ZBTB3: variants seen among roughly 807,000 people sequenced by gnomAD.
ZBTB3 encodes the protein zinc finger and BTB domain-containing protein 3.
A neutral mutation model predicts 30.6 loss-of-function variants in ZBTB3; 15 were observed. The ratio of observed to expected loss-of-function variants is 0.49; its 90% CI spans 0.33 to 0.75. The LOEUF is 0.75. ZBTB3 is among the 30% of genes least tolerant of loss of function. ZBTB3 has a pLI of 0.02. For synonymous variants in ZBTB3, 258 were observed against 261.7 expected, an observed-to-expected ratio of 0.99 and a Z score of 0.14; for missense variants, 599 against 652.1, an observed-to-expected ratio of 0.92 and a Z score of 0.89.
chr11:62,752,542 G>A lies in ZBTB3; in HGVS notation c.1123C>T (p.Leu375=), dbSNP rs2084023518. The A allele has an allele frequency of 3.7e-6, 6 of 1,614,220 alleles. No individual in the cohort carries two copies. The highest frequency in any genetic ancestry group is 3.3e-4 in the Middle Eastern group (2 of 6,062). ...TGATACTGCCCTGCACCTGGCAGCA[G>A]ATGGTAGGGTAGATGAGGGTCTGTT... The part of the protein sequence containing the change: ...LPTDPHLPYH[L]LPGAGQYHRG... The change falls in exon 2 of 2, where the codon CTG becomes TTG. Residue 375 remains leucine (L), a synonymous_variant. Transcript: ENST00000394807.
At position 62,752,150 on chromosome 11, in the gene ZBTB3, C is replaced by T; in HGVS notation, c.1515G>A (p.Gln505=). The T allele has an allele frequency of 1.9e-6, 3 of 1,614,004 alleles. No individual in the cohort carries two copies. The change falls in exon 2 of 2, where the codon CAG becomes CAA. Residue 505 remains glutamine (Q), a synonymous_variant. Coordinates refer to ENST00000394807, the MANE Select transcript of ZBTB3 (RefSeq NM_001370809.1). ...TAGGTGGCCCTCCACCACTGCTGCT[C>T]TGTCTGTCTGCTGTTGGGGAGCCAG... ...PLPGSPTADR[Q]SSSGGGPPKD...
rs2084039343 is a variant in ZBTB3 at position 62,753,804 on chromosome 11, G to A, written c.-51-89C>T. The A allele has an allele frequency of 1.5e-5, 23 of 1,530,816 alleles. No homozygotes were observed. The South Asian group carries it at 2.8e-4, about 19-fold the overall frequency. The allele number at this position is 1,530,816 out of a possible 1,614,324, so 94.8% of individuals were successfully genotyped here. On this transcript the variant is annotated intron_variant, in intron 1 of 1. Transcript: ENST00000394807. Reference sequence around the variant, plus strand: ...TATCACTTGCCACTCCAAAACAATCGCTTAAGTTACTGCCCTTCTTTCTCC... The same window carrying A: ...TATCACTTGCCACTCCAAAACAATCACTTAAGTTACTGCCCTTCTTTCTCC...
chr11:62,752,284 G>A lies in ZBTB3; in HGVS notation c.1381C>T (p.Gln461Ter). The A allele has an allele frequency of 6.2e-7, 1 of 1,614,168 alleles. No individual in the cohort carries two copies. Among genetic ancestry groups the A allele is most frequent in the Non-Finnish European group, 8.5e-7 (1 of 1,180,024 alleles). The change falls in exon 2 of 2, where the codon CAG (glutamine) becomes TAG (stop). Residue 461 changes from glutamine to a stop codon, truncating the protein, a stop_gained. Transcript: ENST00000394807. LOFTEE classifies it high-confidence loss of function. ...ECRYCLRSYT[Q>*]SGDLYRHIRK... ...ATGTGGCGGTAGAGGTCCCCTGACT[G>A]CGTGTAGCTCCGCAGGCAGTAGCGG...
In ZBTB3 at chr11:62,754,144, G is replaced by A; in HGVS notation, c.-232C>T. On this transcript the variant is annotated 5_prime_UTR_variant, in exon 1 of 2. Coordinates refer to ENST00000394807, the MANE Select transcript of ZBTB3 (RefSeq NM_001370809.1). ...CTGATACCTCACCCACCACCGAGCA[G>A]CCACAGGGCGAGCTCCGCCCCTTCC... The A allele has an allele frequency of 7.2e-7, 1 of 1,386,168 alleles. No individual in the cohort carries two copies. The highest frequency in any genetic ancestry group is 1.0e-6 in the Non-Finnish European group (1 of 975,722). The allele number at this position is 1,386,168 out of a possible 1,614,324, so 85.9% of individuals were successfully genotyped here. A position where few individuals can be genotyped will look rare whatever the true frequency, so the allele number is the denominator to read the frequency against.
At position 62,753,297 on chromosome 11, in the gene ZBTB3, G is replaced by A. The variant is rs1472700274; in HGVS notation, c.368C>T (p.Ala123Val). 1 of 1,614,070 alleles carries A rather than the reference G, an allele frequency of 6.2e-7. No homozygotes were observed. Among genetic ancestry groups the A allele is most frequent in the South Asian group, 1.1e-5 (1 of 91,082 alleles). The change falls in exon 2 of 2, where the codon GCC becomes GTC. Residue 123 changes from alanine (A) to valine (V), a missense_variant. Ala to Val is a moderately conservative substitution (Grantham distance 64). Transcript: ENST00000394807. Reference sequence around the variant, plus strand: ...CTTGGTACTGTCTGCCTCTGCCAGGGCCCGGGCTTGAAGCCGCCGCTTACA... The same window carrying A: ...CTTGGTACTGTCTGCCTCTGCCAGGACCCGGGCTTGAAGCCGCCGCTTACA... Reference protein sequence around the residue: ...KVCKRRLQARALAEADSTKKE... With the variant: ...KVCKRRLQARVLAEADSTKKE...
rs1366499503 is a variant in ZBTB3, at chr11:62,752,804, A to G, written c.861T>C (p.Ala287=). The G allele has an allele frequency of 6.2e-7, 1 of 1,614,046 alleles. No homozygotes were observed. The highest frequency in any genetic ancestry group is 2.2e-5 in the East Asian group (1 of 44,878). Residue 287 remains alanine, a synonymous_variant, in exon 2 of 2, where the codon GCT becomes GCC. Transcript: ENST00000394807. The part of the protein sequence containing the change: ...APTSAPAPVS[A]PVPSQAPAPA... ...GGGCTGGAGCCTGGGATGGAACTGG[A>G]GCTGAGACAGGGGCTGGGGCTGACG... is the stretch of plus-strand genomic sequence containing the variant.
chr11:62,753,382 G>C lies in ZBTB3; in HGVS notation c.283C>G (p.Pro95Ala). The change falls in exon 2 of 2, where the codon CCT becomes GCT. Residue 95 changes from proline to alanine, a missense_variant. Coordinates refer to ENST00000394807, the MANE Select transcript of ZBTB3 (RefSeq NM_001370809.1). ...GCAGCTGCCAGCACATCCTCCACAG[G>C]GGTATCCCCTCTCAGGGTCAGCTGG... Reference protein sequence around the residue: ...AGQLTLRGDTPVEDVLAAASY... With the variant: ...AGQLTLRGDTAVEDVLAAASY... The C allele has an allele frequency of 1.2e-6, 2 of 1,614,030 alleles. No homozygotes were observed. Among genetic ancestry groups the C allele is most frequent in the South Asian group, 1.1e-5 (1 of 91,080 alleles).
rs1359373699 is a variant in ZBTB3 at position 62,753,734 on chromosome 11, G to A, written c.-51-19C>T. The A allele has an allele frequency of 3.2e-6, 5 of 1,577,240 alleles. No individual in the cohort carries two copies. The South Asian group carries it at 5.6e-5, about 18-fold the overall frequency. ...TGGCTCCCTGAGAAAAAAGGGCAGT[G>A]AGTTAAGACAGGTAACCTCCCCAGC... is the stretch of plus-strand genomic sequence containing the variant. On this transcript the variant is annotated intron_variant, in intron 1 of 1. Transcript: ENST00000394807.
At position 62,752,339 on chromosome 11, in the gene ZBTB3, C is replaced by G. The variant is rs150629404; in HGVS notation, c.1326G>C (p.Thr442=). Residue 442 remains threonine (T), a synonymous_variant, in exon 2 of 2, where the codon ACG becomes ACC. Coordinates refer to ENST00000394807, the MANE Select transcript of ZBTB3 (RefSeq NM_001370809.1). ...SCSYTLRRHA[T]VHTRERPYEC... is the part of the protein sequence containing the mutation. ...CATAGGGTCGCTCACGTGTGTGCACCGTGGCATGTCGCCGTAGTGTGTAAG... is the reference window on the plus strand; with the variant it reads ...CATAGGGTCGCTCACGTGTGTGCACGGTGGCATGTCGCCGTAGTGTGTAAG... The G allele has an allele frequency of 1.4e-4, 232 of 1,614,106 alleles. No individual in the cohort carries two copies. The African/African-American group carries it at 2.9e-3, about 20-fold the overall frequency.
Position 62,752,848 on chromosome 11 carries a change from G to C in ZBTB3, c.817C>G (p.Pro273Ala). The change falls in exon 2 of 2, where the codon CCC (proline) becomes GCC (alanine). Residue 273 changes from proline to alanine, a missense_variant. By Grantham distance (27) the Pro-to-Ala change is conservative. Coordinates refer to ENST00000394807, the MANE Select transcript of ZBTB3 (RefSeq NM_001370809.1). ...DPGGPLQGFY[P>A]PASAPTSAPA... Reference sequence around the variant, plus strand: ...GCTGACGTTGGGGCTGAGGCTGGGGGATAGAAGCCTTGCAGTGGTCCTCCA... The same window carrying C: ...GCTGACGTTGGGGCTGAGGCTGGGGCATAGAAGCCTTGCAGTGGTCCTCCA... The C allele has an allele frequency of 1.2e-6, 2 of 1,614,074 alleles. No individual in the cohort carries two copies. The highest frequency in any genetic ancestry group is 1.7e-6 in the Non-Finnish European group (2 of 1,180,008).
Position 62,754,141 on chromosome 11 carries a change from G to T in ZBTB3, c.-229C>A. On this transcript the variant is annotated 5_prime_UTR_variant, in exon 1 of 2. Coordinates refer to ENST00000394807, the MANE Select transcript of ZBTB3 (RefSeq NM_001370809.1). ...AAGCTGATACCTCACCCACCACCGAGCAGCCACAGGGCGAGCTCCGCCCCT... is the reference window on the plus strand; with the variant it reads ...AAGCTGATACCTCACCCACCACCGATCAGCCACAGGGCGAGCTCCGCCCCT... The T allele has an allele frequency of 7.1e-7, 1 of 1,412,604 alleles. No individual in the cohort carries two copies. Among genetic ancestry groups the T allele is most frequent in the South Asian group, 1.2e-5 (1 of 86,798 alleles). 87.5% of individuals were successfully genotyped at this position (1,412,604 alleles called of 1,614,324 possible).
chr11:62,753,264 TC>T lies in ZBTB3; in HGVS notation c.400del (p.Glu134ArgfsTer123). 1 of 1,614,128 alleles carries T rather than the reference TC, an allele frequency of 6.2e-7. No individual in the cohort carries two copies. Among genetic ancestry groups the T allele is most frequent in the Non-Finnish European group, 8.5e-7 (1 of 1,180,030 alleles). ...LAEADSTKKEEETNSQLPSLE... is the reference protein window; with the variant it reads ...LAEADSTKKEXETNSQLPSLE... ...ACTAGGAAGCTGTGAGTTGGTTTCCTCCTCCTTCTTGGTACTGTCTGCCTCT... is the reference window on the plus strand; with the variant it reads ...ACTAGGAAGCTGTGAGTTGGTTTCCTCTCCTTCTTGGTACTGTCTGCCTCT... On this transcript the variant is annotated frameshift_variant, in exon 2 of 2. Coordinates refer to ENST00000394807, the MANE Select transcript of ZBTB3 (RefSeq NM_001370809.1). LOFTEE classifies it high-confidence loss of function.
rs1417972097 is a variant in ZBTB3 at position 62,751,500 on chromosome 11, TG to T, written c.*589del. ...AAGATCGCGCCACTGCACTCCAGCC[TG>T]GGGGACAGAGTGAGACTCTGTCTCA... On this transcript the variant is annotated 3_prime_UTR_variant, in exon 2 of 2. Transcript: ENST00000394807. The T allele has an allele frequency of 8.4e-6, 1 of 118,702 alleles. No homozygotes were observed. The highest frequency in any genetic ancestry group is 1.7e-5 in the Non-Finnish European group (1 of 59,926). 7.4% of individuals were successfully genotyped at this position (118,702 alleles called of 1,614,324 possible). A position where few individuals can be genotyped will look rare whatever the true frequency, so the allele number is the denominator to read the frequency against.
chr11:62,753,995 G>T lies in ZBTB3; in HGVS notation c.-83C>A. ...GCGTCCAACGGCTCCACGAAGTAGA[G>T]ATCTTTTTCGCTCCCAGGCCTTGCC... On this transcript the variant is annotated 5_prime_UTR_variant, in exon 1 of 2. Coordinates refer to ENST00000394807, the MANE Select transcript of ZBTB3 (RefSeq NM_001370809.1). The T allele has an allele frequency of 6.2e-7, 1 of 1,613,880 alleles. No homozygotes were observed. Among genetic ancestry groups the T allele is most frequent in the Non-Finnish European group, 8.5e-7 (1 of 1,179,998 alleles).
rs2084035682 is a variant in ZBTB3 at position 62,753,466 on chromosome 11, GA to G, written c.198del (p.His67ThrfsTer22). On this transcript the variant is annotated frameshift_variant, in exon 2 of 2. Transcript: ENST00000394807. LOFTEE classifies it high-confidence loss of function. ...GCTGGGGCTGTGACAATTTCATTGT[GA>G]ATACACACCAGATCCCTCTTGTCCA... ...RELDKRDLVC[I>X]HNEIVTAPAF... The G allele has an allele frequency of 6.2e-7, 1 of 1,614,084 alleles. No individual in the cohort carries two copies. Among genetic ancestry groups the G allele is most frequent in the Non-Finnish European group, 8.5e-7 (1 of 1,180,050 alleles).
Position 62,752,803 on chromosome 11 carries a change from G to C in ZBTB3, c.862C>G (p.Pro288Ala), listed in dbSNP as rs781620902. The C allele has an allele frequency of 1.9e-6, 3 of 1,614,152 alleles. No individual in the cohort carries two copies. The highest frequency in any genetic ancestry group is 2.5e-6 in the Non-Finnish European group (3 of 1,180,032). ...PTSAPAPVSAPVPSQAPAPAE... is the reference protein window; with the variant it reads ...PTSAPAPVSAAVPSQAPAPAE... Reference sequence around the variant, plus strand: ...GGGGCTGGAGCCTGGGATGGAACTGGAGCTGAGACAGGGGCTGGGGCTGAC... The same window carrying C: ...GGGGCTGGAGCCTGGGATGGAACTGCAGCTGAGACAGGGGCTGGGGCTGAC... Residue 288 changes from proline (P) to alanine (A), a missense_variant, in exon 2 of 2, where the codon CCA becomes GCA. Physicochemically the swap from Pro to Ala is conservative, Grantham distance 27. Coordinates refer to ENST00000394807, the MANE Select transcript of ZBTB3 (RefSeq NM_001370809.1).
At position 62,752,312 on chromosome 11, in the gene ZBTB3, C is replaced by T. The variant is rs1167772111; in HGVS notation, c.1353G>A (p.Glu451=). ...TGTAGCTCCGCAGGCAGTAGCGGCA[C>T]TCATAGGGTCGCTCACGTGTGTGCA... The part of the protein sequence containing the change: ...ATVHTRERPY[E]CRYCLRSYTQ... The change falls in exon 2 of 2, where the codon GAG becomes GAA. Residue 451 remains glutamate, a synonymous_variant. Transcript: ENST00000394807. The T allele has an allele frequency of 3.3e-5, 54 of 1,614,170 alleles. No homozygotes were observed. The highest frequency in any genetic ancestry group is 4.2e-5 in the Non-Finnish European group (49 of 1,180,032).
chr11:62,754,071 C>A lies in ZBTB3; in HGVS notation c.-159G>T. On this transcript the variant is annotated 5_prime_UTR_variant, in exon 1 of 2. Transcript: ENST00000394807. ...GAGAACTCCCTAAGCATCTCCCTCA[C>A]GCATTCCAGGGGCTAAGGACTACCA... 1 of 1,613,976 alleles carries A rather than the reference C, an allele frequency of 6.2e-7. No individual in the cohort carries two copies.
rs1375760044 is a variant in ZBTB3 at position 62,753,536 on chromosome 11, G to A, written c.129C>T (p.Ala43=). 6.2e-7 allele frequency: 1 copy of A among 1,614,204 alleles called. No individual in the cohort carries two copies. The change falls in exon 2 of 2, where the codon GCC becomes GCT. Residue 43 remains alanine (A), a synonymous_variant. Coordinates refer to ENST00000394807, the MANE Select transcript of ZBTB3 (RefSeq NM_001370809.1). ...AAAGCTGGAAGAATGGGCTGCAGGAGGCCAGCACAGCCCGATGGGCCAAGA... is the reference window on the plus strand; with the variant it reads ...AAAGCTGGAAGAATGGGCTGCAGGAAGCCAGCACAGCCCGATGGGCCAAGA... The part of the protein sequence containing the change: ...TQFLAHRAVL[A]SCSPFFQLFY...
Sources: gnomAD v4.1 joint callset for allele counts on GRCh38, gnomAD v4.1.1 for gene constraint, MANE v1.5 for transcripts, NCBI Gene and HGNC (gene_info 2026-07-23, HGNC 2026-07-21) for gene names.